Variants in SH3RF3 observed in about 807,000 individuals in gnomAD.
SH3RF3 encodes the protein E3 ubiquitin-protein ligase SH3RF3.
In SH3RF3, 29 loss-of-function variants were observed where a neutral mutation model predicts 66.3. The observed-to-expected ratio is 0.44, with a 90% confidence interval of 0.33 to 0.60. The LOEUF is 0.60. SH3RF3 is among the 20% of genes least tolerant of loss of function. SH3RF3 has a pLI of 0.04. For synonymous variants in SH3RF3, 583 were observed against 532.0 expected (o/e 1.10, Z -1.32); for missense variants, 1,194 against 1,190.9 (o/e 1.00, Z -0.04).
At chr2:109,196,216 G>A (rs1325578828) in intron 1 of SH3RF3, among the ~76,000 whole-genome samples, 1 of 152,170 alleles carries the variant, frequency 6.6e-6, no homozygotes. Context: ...AGGCCATGTC[G>A]GGGTGTTTGG....
chr2:109,161,039 T>A lies in SH3RF3; in HGVS notation c.573+30926T>A, dbSNP rs184884012. Among the ~76,000 whole-genome samples the A allele has an allele frequency of 3.1e-3, 469 of 152,006 alleles. 1 individual carries two copies. Among genetic ancestry groups the A allele is most frequent in the African/African-American group, 0.011 (436 of 41,476 alleles). On this transcript the variant is annotated intron_variant, in intron 1 of 9. Coordinates refer to ENST00000309415, the MANE Select transcript of SH3RF3 (RefSeq NM_001099289.3). ...GCTTGGATGTGAAGGCTGTGAGAGA[T>A]GGAGAGGCAGAAGTAGGTGAGGGTG...
At chr2:109,335,948 G>A (rs572465357) in intron 1 of SH3RF3, among the ~76,000 whole-genome samples, 2 of 152,342 alleles carry the variant, frequency 1.3e-5, no homozygotes, top group Non-Finnish European at 2.9e-5. Context: ...GGGGCTGGGA[G>A]TGGGATATGT....
chr2:109,476,656 G>T (rs1175278338), intron 8 of SH3RF3, among the ~76,000 whole-genome samples: 2 of 152,322 alleles, frequency 1.3e-5, no homozygotes, highest in South Asian at 2.1e-4. Flanking sequence ...CCAAGAGAGG[G>T]TTCTTGGATC....
chr2:109,347,018 C>T (rs140591709), intron 1 of SH3RF3, among the ~76,000 whole-genome samples: 51 of 152,270 alleles, frequency 3.3e-4, no homozygotes, highest in East Asian at 2.7e-3. Flanking sequence ...TCATCATCCT[C>T]GTGTGTGTAC....
chr2:109,285,458 G>A (rs568300873), intron 1 of SH3RF3, among the ~76,000 whole-genome samples: 2 of 152,320 alleles, frequency 1.3e-5, no homozygotes, highest in East Asian at 1.9e-4. Flanking sequence ...TGTGCCGTGC[G>A]TTTTTGTTAG....
At position 109,323,676 on chromosome 2, in the gene SH3RF3, T is replaced by C. The variant is rs1436690658; in HGVS notation, c.574-23998T>C. On this transcript the variant is annotated intron_variant, in intron 1 of 9. Coordinates refer to ENST00000309415, the MANE Select transcript of SH3RF3 (RefSeq NM_001099289.3). ...GTGTGTCCGCCAAGCTCCCTGAGCC[T>C]GTGCCTCGAGGAGATAAGGTGAAGG... 2.0e-5 allele frequency among the ~76,000 whole-genome samples: 3 copies of C among 152,220 alleles called. No individual in the cohort carries two copies. In the East Asian group the frequency reaches 5.8e-4, roughly 29 times the overall value.
At position 109,142,385 on chromosome 2, in the gene SH3RF3, A is replaced by G. The variant is rs182694518; in HGVS notation, c.573+12272A>G. Among the ~76,000 whole-genome samples, 188 of 152,334 alleles carry G rather than the reference A, an allele frequency of 1.2e-3. 1 individual carries two copies. The highest frequency in any genetic ancestry group is 3.1e-4 in the Non-Finnish European group (21 of 68,032). ...CTCCTCTGATTTTAATAGGACCCCA[A>G]AGCACCCTGTGGGGTTAGCTCCACA... On this transcript the variant is annotated intron_variant, in intron 1 of 9. Coordinates refer to ENST00000309415, the MANE Select transcript of SH3RF3 (RefSeq NM_001099289.3).
At chr2:109,401,968 G>A (rs1676328763) in intron 4 of SH3RF3, among the ~76,000 whole-genome samples, 1 of 152,208 alleles carries the variant, frequency 6.6e-6, no homozygotes, top group Non-Finnish European at 1.5e-5. Flanking sequence ...GAAAGTCATG[G>A]CCAGGCTACT....
intron 1 of SH3RF3, among the ~76,000 whole-genome samples, chr2:109,252,910 G>T (rs1193233087): frequency 1.3e-5 from 2 of 152,206 alleles, no homozygotes; most frequent in Non-Finnish European, 2.9e-5. Flanking sequence ...AAAATCCTAA[G>T]TCAGCCCATC....
At chr2:109,345,999 C>G (rs1294400135) in intron 1 of SH3RF3, among the ~76,000 whole-genome samples, 2 of 152,334 alleles carry the variant, frequency 1.3e-5, no homozygotes, top group African/African-American at 4.8e-5. Context: ...GCTGAGTGGC[C>G]CCTGTGTGGC....
At chr2:109,382,897 A>T (rs1009769025) in intron 3 of SH3RF3, among the ~76,000 whole-genome samples, 1 of 151,846 alleles carries the variant, frequency 6.6e-6, no homozygotes, top group African/African-American at 2.4e-5. Context: ...TCCTCCCACC[A>T]TCTCATTCTA....
intron 1 of SH3RF3, among the ~76,000 whole-genome samples, chr2:109,154,075 A>G (rs1677282703): frequency 6.6e-6 from 1 of 152,168 alleles, no homozygotes; most frequent in African/African-American, 2.4e-5. Flanking sequence ...TCAAAGTATG[A>G]ACACTGTCAA....
chr2:109,241,941 G>A (rs1029341463), intron 1 of SH3RF3, among the ~76,000 whole-genome samples: 3 of 151,798 alleles, frequency 2.0e-5, no homozygotes, highest in Admixed American at 6.6e-5. Context: ...CCTGAGACAC[G>A]ATGTTCCCCA....
chr2:109,278,204 T>G (rs918648510), intron 1 of SH3RF3, among the ~76,000 whole-genome samples: 1 of 151,944 alleles, frequency 6.6e-6, no homozygotes, highest in Admixed American at 6.6e-5. Flanking sequence ...TTTCAGTAAT[T>G]CACCAGGACT....
rs1679446844 is a variant in SH3RF3 at position 109,503,406 on chromosome 2, TCCAGGTGGTCA to T, written c.*1739_*1749del. On this transcript the variant is annotated 3_prime_UTR_variant, in exon 10 of 10. Transcript: ENST00000309415. ...GGACGTGACTTGGCTACTTGTTACT[TCCAGGTGGTCA>T]CCACACGGCGGGGGTCATGCCTTTC... is the stretch of plus-strand genomic sequence containing the variant. The T allele has an allele frequency of 6.6e-6, 1 of 152,170 alleles. No homozygotes were observed. The highest frequency in any genetic ancestry group is 2.1e-4 in the South Asian group (1 of 4,830). 9.4% of individuals were successfully genotyped at this position (152,170 alleles called of 1,614,324 possible). A position where few individuals can be genotyped will look rare whatever the true frequency, so the allele number is the denominator to read the frequency against.
intron 8 of SH3RF3, among the ~76,000 whole-genome samples, chr2:109,476,595 C>T (rs1457022971): frequency 3.9e-5 from 6 of 152,214 alleles, no homozygotes; most frequent in Admixed American, 3.3e-4. Flanking sequence ...GAGCCTCAAA[C>T]ACATGGTTAT....
chr2:109,330,591 T>G (rs948484179), intron 1 of SH3RF3, among the ~76,000 whole-genome samples: 1 of 152,034 alleles, frequency 6.6e-6, no homozygotes. Flanking sequence ...GGTGGATGGA[T>G]GGATGCATGG....
intron 1 of SH3RF3, among the ~76,000 whole-genome samples, chr2:109,280,446 A>G (rs1015195188): frequency 1.3e-5 from 2 of 152,118 alleles, no homozygotes; most frequent in African/African-American, 4.8e-5. Context: ...ACGCTCAGCA[A>G]TAGGAAGGGG....
intron 8 of SH3RF3, among the ~76,000 whole-genome samples, chr2:109,488,747 G>C (rs994006164): frequency 7.9e-5 from 12 of 152,342 alleles, no homozygotes; most frequent in African/African-American, 2.2e-4. Flanking sequence ...AGCACATGAA[G>C]GGCTGCAACG....
Sources: allele counts gnomAD v4.1 joint callset (sites outside exome capture counted in the v4.1 genomes callset), GRCh38; gene constraint gnomAD v4.1.1; transcripts MANE v1.5; gene names NCBI Gene and HGNC (gene_info 2026-07-23, HGNC 2026-07-21).